TMCC3: variants seen among roughly 807,000 people sequenced by gnomAD.
TMCC3 encodes transmembrane and coiled-coil domain family 3.
In TMCC3, 28 loss-of-function variants were observed where a neutral mutation model predicts 40.2. The observed-to-expected ratio is 0.70, with a 90% CI of 0.52 to 0.95. The LOEUF (loss-of-function observed/expected upper bound fraction) is 0.95, where lower values mean the gene tolerates loss of function less well. Among genes scored for constraint, TMCC3 ranks in the 40% least tolerant of loss-of-function variants. The pLI, the probability that TMCC3 is intolerant of heterozygous loss-of-function variation, is 0.00. For synonymous variants in TMCC3, 255 were observed against 248.5 expected (o/e 1.03, Z -0.25); for missense variants, 554 against 615.2 (o/e 0.90, Z 1.05).
intron 1 of TMCC3, among the ~76,000 whole-genome samples, chr12:94,588,135 A>G (rs1019877140): frequency 6.6e-6 from 1 of 152,148 alleles, no homozygotes; most frequent in Non-Finnish European, 1.5e-5. Flanking sequence ...CACCTTACTC[A>G]CCGGACACGG....
intron 1 of TMCC3, among the ~76,000 whole-genome samples, chr12:94,594,509 T>C (rs898670069): frequency 2.6e-5 from 4 of 152,154 alleles, no homozygotes; most frequent in Non-Finnish European, 5.9e-5. Context: ...ACTTAAGGTC[T>C]TTTGGGGGCA....
chr12:94,625,319 G>A (rs2068898253), intron 1 of TMCC3, among the ~76,000 whole-genome samples: 1 of 151,744 alleles, frequency 6.6e-6, no homozygotes, highest in Non-Finnish European at 1.5e-5. Flanking sequence ...TGGGCGTAGT[G>A]GCTCATTCCT....
chr12:94,585,798 T>C (rs1450122182), intron 1 of TMCC3, among the ~76,000 whole-genome samples: 1 of 152,240 alleles, frequency 6.6e-6, no homozygotes, highest in East Asian at 1.9e-4. Context: ...TGTTGCTCTG[T>C]GCTTGTCTTG....
At chr12:94,612,395 C>T (rs986577165) in intron 1 of TMCC3, among the ~76,000 whole-genome samples, 1 of 152,014 alleles carries the variant, frequency 6.6e-6, no homozygotes, top group African/African-American at 2.4e-5. Context: ...ACTGCAATCT[C>T]CGCCTCCCGA....
At chr12:94,629,173 TCA>T (rs1168069768) in intron 1 of TMCC3, among the ~76,000 whole-genome samples, 4 of 152,184 alleles carry the variant, frequency 2.6e-5, no homozygotes, top group Admixed American at 1.3e-4. Flanking sequence ...CAAAGGCTAA[TCA>T]CAGGTGAACC....
chr12:94,583,225 C>T (rs1216891089), intron 1 of TMCC3, among the ~76,000 whole-genome samples: 2 of 150,686 alleles, frequency 1.3e-5, no homozygotes, highest in East Asian at 3.9e-4. Context: ...CGTGGCGCTG[C>T]TGGGCGAGGT....
At chr12:94,578,251 C>G (rs1170929111) in intron 3 of TMCC3, 143 bp downstream of exon 3, 1 of 787,880 alleles carries the variant, frequency 1.3e-6, no homozygotes, top group Admixed American at 2.6e-5. Context: ...TAACGTGGTA[C>G]AGATAAAATG....
At chr12:94,627,605 G>A (rs968134378) in intron 1 of TMCC3, among the ~76,000 whole-genome samples, 1 of 152,118 alleles carries the variant, frequency 6.6e-6, no homozygotes, top group Non-Finnish European at 1.5e-5. Context: ...AAACACAACA[G>A]GCACACTGCT....
chr12:94,650,533 C>G lies in TMCC3; in HGVS notation c.-103G>C. On this transcript the variant is annotated 5_prime_UTR_variant, in exon 1 of 4. Transcript: ENST00000261226. ...CTGGGAGCCGCGGGCGAGGGGGCGG[C>G]GCGGCTGCTGCAGCTGTTGCCTCTG... 1.0e-6 allele frequency: 1 copy of G among 963,624 alleles called. No individual in the cohort carries two copies. Among genetic ancestry groups the G allele is most frequent in the South Asian group, 4.9e-5 (1 of 20,292 alleles). The allele number at this position is 963,624 out of a possible 1,614,324, so 59.7% of individuals were successfully genotyped here. A position where few individuals can be genotyped will look rare whatever the true frequency, so the allele number is the denominator to read the frequency against.
rs1566320763 is a variant in TMCC3 at position 94,593,455 on chromosome 12, A to AAGG, written c.79-10918_79-10917insCCT. 1.9e-4 allele frequency among the ~76,000 whole-genome samples: 23 copies of AAGG among 120,240 alleles called. 2 individuals are homozygous for AAGG. The highest frequency in any genetic ancestry group is 6.9e-4 in the African/African-American group (23 of 33,404). 78.9% of individuals were successfully genotyped at this position (120,240 alleles called of 152,430 possible). A position where few individuals can be genotyped will look rare whatever the true frequency, so the allele number is the denominator to read the frequency against. On this transcript the variant is annotated intron_variant, in intron 1 of 3. Coordinates refer to ENST00000261226, the MANE Select transcript of TMCC3 (RefSeq NM_020698.4). ...GAAGGAGAAGGAGAAGGAGAAGGAG[A>AAGG]AGAAGAAGAAGAAGAAGAAGAATTC...
At chr12:94,596,198 G>T (rs993811095) in intron 1 of TMCC3, among the ~76,000 whole-genome samples, 2 of 152,188 alleles carry the variant, frequency 1.3e-5, no homozygotes, top group African/African-American at 4.8e-5. Context: ...CTAGGGTAAG[G>T]CTGGACCTTT....
intron 1 of TMCC3, among the ~76,000 whole-genome samples, chr12:94,625,336 C>A (rs1015332111): frequency 2.0e-5 from 3 of 151,622 alleles, no homozygotes; most frequent in Non-Finnish European, 4.4e-5. Flanking sequence ...TCCTGTAATT[C>A]CAGCACTTTG....
chr12:94,597,120 A>AAAAAAAAAAAAATATATATAT lies in TMCC3; in HGVS notation c.79-14583_79-14582insATATATATATTTTTTTTTTTT, dbSNP rs2068719307. Among the ~76,000 whole-genome samples, 4 of 5,488 alleles carry AAAAAAAAAAAAATATATATAT rather than the reference A, an allele frequency of 7.3e-4. 1 individual carries two copies. The highest frequency in any genetic ancestry group is 1.3e-3 in the African/African-American group (3 of 2,242). 3.6% of individuals were successfully genotyped at this position (5,488 alleles called of 152,430 possible). ...CACAGTAAGTCACTGTCTCTATTAA[A>AAAAAAAAAAAAATATATATAT]ATACATATATATATATATATATATA... On this transcript the variant is annotated intron_variant, in intron 1 of 3. Coordinates refer to ENST00000261226, the MANE Select transcript of TMCC3 (RefSeq NM_020698.4).
chr12:94,623,639 A>C (rs1283470833), intron 1 of TMCC3, among the ~76,000 whole-genome samples: 3 of 152,230 alleles, frequency 2.0e-5, no homozygotes, highest in Non-Finnish European at 4.4e-5. Flanking sequence ...ACCCACGTAC[A>C]ACTACCACCA....
chr12:94,592,066 G>A (rs920850168), intron 1 of TMCC3, among the ~76,000 whole-genome samples: 6 of 152,166 alleles, frequency 3.9e-5, no homozygotes, highest in African/African-American at 1.4e-4. Flanking sequence ...TTCCCCCACT[G>A]TGTGCTGGAG....
At chr12:94,606,864 T>C (rs756259459) in intron 1 of TMCC3, among the ~76,000 whole-genome samples, 3 of 152,208 alleles carry the variant, frequency 2.0e-5, no homozygotes, top group Non-Finnish European at 2.9e-5. Context: ...GTCTATGTCC[T>C]GCTGTGCACG....
chr12:94,635,350 C>T (rs1045149560), intron 1 of TMCC3, among the ~76,000 whole-genome samples: 2 of 152,152 alleles, frequency 1.3e-5, no homozygotes, highest in Non-Finnish European at 1.5e-5. Context: ...AGGCTGGGTT[C>T]CTGCTCTTCC....
At chr12:94,608,259 C>A (rs2068795040) in intron 1 of TMCC3, among the ~76,000 whole-genome samples, 2 of 152,200 alleles carry the variant, frequency 1.3e-5, no homozygotes, top group Admixed American at 6.5e-5. Context: ...ATTTGGGTAA[C>A]ATCATTTATT....
chr12:94,619,858 G>T (rs771103704), intron 1 of TMCC3, among the ~76,000 whole-genome samples: 5 of 152,114 alleles, frequency 3.3e-5, no homozygotes, highest in Admixed American at 6.6e-5. Flanking sequence ...TTTCTGTAAA[G>T]ACACATAAGA....
Sources: allele counts gnomAD v4.1 joint callset (sites outside exome capture counted in the v4.1 genomes callset), GRCh38; gene constraint gnomAD v4.1.1; transcripts MANE v1.5; gene names NCBI Gene and HGNC (gene_info 2026-07-23, HGNC 2026-07-21).